NCOA2: variants seen among roughly 807,000 people sequenced by gnomAD.
NCOA2 encodes nuclear receptor coactivator 2.
Under a neutral mutation model 145.1 loss-of-function variants are expected in NCOA2, and 21 were observed. The observed-to-expected ratio is 0.14, with a 90% confidence interval of 0.10 to 0.21. The LOEUF (loss-of-function observed/expected upper bound fraction) is 0.21, where lower values mean the gene tolerates loss of function less well. Among genes scored for constraint, NCOA2 ranks in the 10% least tolerant of loss-of-function variants. NCOA2 has a pLI of 1.00. For missense variants in NCOA2, 1,472 were observed against 1,837.6 expected, an observed-to-expected ratio of 0.80 and a Z score of 3.64; for synonymous variants, 619 against 637.5, an observed-to-expected ratio of 0.97 and a Z score of 0.44.
intron 1 of NCOA2, among the ~76,000 whole-genome samples, chr8:70,381,639 T>C (rs1016598181): frequency 1.3e-5 from 2 of 152,262 alleles, no homozygotes; most frequent in African/African-American, 4.8e-5. Context: ...ATATTTCTTT[T>C]GTTATTCAAG....
intron 1 of NCOA2, among the ~76,000 whole-genome samples, chr8:70,399,833 T>C (rs1814062585): frequency 6.6e-6 from 1 of 152,242 alleles, no homozygotes; most frequent in South Asian, 2.1e-4. Context: ...AGAATTGCTT[T>C]TCAACTCAAT....
At chr8:70,283,600 T>C (rs1771819052) in intron 2 of NCOA2, among the ~76,000 whole-genome samples, 1 of 152,230 alleles carries the variant, frequency 6.6e-6, no homozygotes, top group South Asian at 2.1e-4. Context: ...GCTATAGTAA[T>C]TGGTAGAACA....
At chr8:70,157,699 G>A (rs1375681107) in intron 10 of NCOA2, among the ~76,000 whole-genome samples, 2 of 152,110 alleles carry the variant, frequency 1.3e-5, no homozygotes, top group East Asian at 1.9e-4. Flanking sequence ...CTTGGCTCAA[G>A]ATAAACACGC....
chr8:70,321,200 G>A (rs1005575898), intron 1 of NCOA2, among the ~76,000 whole-genome samples: 2 of 152,160 alleles, frequency 1.3e-5, no homozygotes, highest in South Asian at 2.1e-4. Context: ...GTTAACAACA[G>A]TGTATTATAC....
rs558053694 is a variant in NCOA2, at chr8:70,241,186, G to C, written c.-19-24422C>G. Among the ~76,000 whole-genome samples, 4 of 152,236 alleles carry C rather than the reference G, an allele frequency of 2.6e-5. No individual in the cohort carries two copies. In the East Asian group the frequency reaches 7.7e-4, roughly 29 times the overall value. On this transcript the variant is annotated intron_variant, in intron 2 of 22. Coordinates refer to ENST00000452400, the MANE Select transcript of NCOA2 (RefSeq NM_006540.4). The stretch of plus-strand genomic sequence containing the variant: ...CCATCATAGCAATGCAGTGAGTAAA[G>C]GACCTTGGAAGCAGCAAGTTCTCCA...
chr8:70,147,945 A>G (rs551819721), intron 12 of NCOA2, among the ~76,000 whole-genome samples: 1 of 152,298 alleles, frequency 6.6e-6, no homozygotes, highest in East Asian at 1.9e-4. Flanking sequence ...ATTGTCTATT[A>G]AACACATAAA....
At chr8:70,300,685 A>T (rs1236819146) in intron 1 of NCOA2, among the ~76,000 whole-genome samples, 1 of 152,218 alleles carries the variant, frequency 6.6e-6, no homozygotes, top group Non-Finnish European at 1.5e-5. Flanking sequence ...ATAGAAACAG[A>T]CCCAGAGGAA....
chr8:70,239,490 A>G (rs1431251741), intron 2 of NCOA2, among the ~76,000 whole-genome samples: 1 of 152,118 alleles, frequency 6.6e-6, no homozygotes, highest in Non-Finnish European at 1.5e-5. Flanking sequence ...TTCTGGACCA[A>G]ACAATCCATT....
At chr8:70,376,702 A>G (rs981303880) in intron 1 of NCOA2, among the ~76,000 whole-genome samples, 2 of 152,156 alleles carry the variant, frequency 1.3e-5, no homozygotes, top group African/African-American at 4.8e-5. Flanking sequence ...AGACCAACAA[A>G]ATTCAATTTT....
At chr8:70,183,306 G>C (rs1815690352) in intron 4 of NCOA2, among the ~76,000 whole-genome samples, 2 of 152,142 alleles carry the variant, frequency 1.3e-5, no homozygotes, top group African/African-American at 2.4e-5. Context: ...CCTGTCAAAA[G>C]ACCAAATTAT....
chr8:70,452,849 G>C, the NCOA2 span, among the ~76,000 whole-genome samples: 1 of 152,142 alleles, frequency 6.6e-6, no homozygotes, highest in Non-Finnish European at 1.5e-5. Flanking sequence ...AATTAGAAGG[G>C]AGTAAATGGA....
intron 1 of NCOA2, among the ~76,000 whole-genome samples, chr8:70,319,875 C>T (rs1233913315): frequency 6.6e-6 from 1 of 152,076 alleles, no homozygotes; most frequent in Admixed American, 6.6e-5. Context: ...ACATGTCAGA[C>T]ATGGAGGTAA....
the NCOA2 span, among the ~76,000 whole-genome samples, chr8:70,444,810 T>C: frequency 6.6e-6 from 1 of 151,970 alleles, no homozygotes; most frequent in Non-Finnish European, 1.5e-5. Flanking sequence ...AAAACATTAA[T>C]ATTATTTTTA....
chr8:70,324,875 C>T lies in NCOA2; in HGVS notation c.-76-28075G>A, dbSNP rs535312218. ...ATTCACTCTGATCTTTTTAAATTTT[C>T]CTTTTTATGTTTACTTTGGAAATTT... On this transcript the variant is annotated intron_variant, in intron 1 of 22. Transcript: ENST00000452400. Among the ~76,000 whole-genome samples, 7 of 152,086 alleles carry T rather than the reference C, an allele frequency of 4.6e-5. No homozygotes were observed. The South Asian group carries it at 1.5e-3, about 32-fold the overall frequency.
chr8:70,135,374 C>G (rs1809617068), intron 15 of NCOA2, among the ~76,000 whole-genome samples: 1 of 152,200 alleles, frequency 6.6e-6, no homozygotes, highest in South Asian at 2.1e-4. Flanking sequence ...ATTGCATCCT[C>G]TACCTCTTTT....
chr8:70,341,016 C>T (rs1417279643), intron 1 of NCOA2, among the ~76,000 whole-genome samples: 5 of 147,664 alleles, frequency 3.4e-5, no homozygotes, highest in African/African-American at 1.0e-4. Context: ...CAAACTACCA[C>T]GGCAGATGTT....
At chr8:70,234,154 G>A (rs940714962) in intron 2 of NCOA2, among the ~76,000 whole-genome samples, 7 of 152,148 alleles carry the variant, frequency 4.6e-5, no homozygotes, top group African/African-American at 1.7e-4. Flanking sequence ...TTAGCATAAT[G>A]TTTTCAAGGC....
intron 1 of NCOA2, among the ~76,000 whole-genome samples, chr8:70,351,638 A>G (rs1013216231): frequency 6.7e-6 from 1 of 149,904 alleles, no homozygotes; most frequent in Non-Finnish European, 1.5e-5. Context: ...CCCAGGCTGA[A>G]GTACAAGCAA....
At chr8:70,310,064 G>C (rs1828194375) in intron 1 of NCOA2, among the ~76,000 whole-genome samples, 1 of 152,044 alleles carries the variant, frequency 6.6e-6, no homozygotes, top group Non-Finnish European at 1.5e-5. Flanking sequence ...AGGCGCAGTG[G>C]CTCATACCTG....
Sources: gnomAD v4.1 joint callset for allele counts (sites outside exome capture counted in the v4.1 genomes callset) on GRCh38, gnomAD v4.1.1 for gene constraint, MANE v1.5 for transcripts, NCBI Gene and HGNC (gene_info 2026-07-23, HGNC 2026-07-21) for gene names.